Variants in MCTP1 observed in about 807,000 individuals in gnomAD.
MCTP1 encodes the protein multiple C2 and transmembrane domain-containing protein 1.
Under a neutral mutation model 120.6 loss-of-function variants are expected in MCTP1, and 69 were observed. That is an observed-to-expected ratio of 0.57 (90% CI 0.47 to 0.70). MCTP1 has a LOEUF of 0.70. Ranked by LOEUF, MCTP1 falls within the 30% of genes least tolerant of loss-of-function variation. The pLI, the probability that MCTP1 is intolerant of heterozygous loss-of-function variation, is 0.00. For synonymous variants in MCTP1, 529 were observed against 493.1 expected (o/e 1.07, Z -0.96); for missense variants, 1,203 against 1,248.8 (o/e 0.96, Z 0.55).
intron 1 of MCTP1, among the ~76,000 whole-genome samples, chr5:95,041,951 T>A (rs957651806): frequency 1.3e-5 from 2 of 152,202 alleles, no homozygotes; most frequent in African/African-American, 4.8e-5. Flanking sequence ...CGTTTCTCAG[T>A]GTGAGTTGAA....
At chr5:95,203,801 C>T (rs1050010318) in intron 1 of MCTP1, among the ~76,000 whole-genome samples, 2 of 152,188 alleles carry the variant, frequency 1.3e-5, no homozygotes, top group Non-Finnish European at 2.9e-5. Context: ...AAGCATTAAT[C>T]TTCAGCTTTC....
chr5:95,105,211 T>C (rs1449060662), intron 1 of MCTP1, among the ~76,000 whole-genome samples: 2 of 152,196 alleles, frequency 1.3e-5, no homozygotes, highest in Non-Finnish European at 2.9e-5. Context: ...AGAAAACTTA[T>C]ATTTGCAAGT....
intron 12 of MCTP1, among the ~76,000 whole-genome samples, chr5:94,876,829 T>C (rs1262333656): frequency 6.6e-6 from 1 of 152,042 alleles, no homozygotes; most frequent in Non-Finnish European, 1.5e-5. Flanking sequence ...ACGGCAATTT[T>C]CCATGTTGAC....
At chr5:95,191,784 T>C (rs530955536) in intron 1 of MCTP1, among the ~76,000 whole-genome samples, 1 of 152,158 alleles carries the variant, frequency 6.6e-6, no homozygotes, top group African/African-American at 2.4e-5. Flanking sequence ...TTATTGTACT[T>C]CAGTAACCAA....
chr5:95,169,537 T>C (rs916784891), intron 1 of MCTP1, among the ~76,000 whole-genome samples: 17 of 152,328 alleles, frequency 1.1e-4, no homozygotes, highest in African/African-American at 4.1e-4. Context: ...GGACTTTTTT[T>C]GGTTGGTAGG....
chr5:94,901,180 G>A (rs991079959), intron 10 of MCTP1, among the ~76,000 whole-genome samples: 8 of 152,182 alleles, frequency 5.3e-5, no homozygotes, highest in Non-Finnish European at 1.0e-4. Flanking sequence ...CATGGCAGAA[G>A]GCGAATGAGG....
intron 18 of MCTP1, among the ~76,000 whole-genome samples, chr5:94,795,948 A>G (rs1284486700): frequency 6.6e-6 from 1 of 152,176 alleles, no homozygotes. Flanking sequence ...CATGGTGGGG[A>G]AAAAGGTATA....
At chr5:95,030,000 G>A (rs1366492467) in intron 1 of MCTP1, among the ~76,000 whole-genome samples, 1 of 152,196 alleles carries the variant, frequency 6.6e-6, no homozygotes, top group African/African-American at 2.4e-5. Context: ...GTTCTAGCAA[G>A]GGAGGACAGA....
At chr5:94,933,376 A>G (rs1202095726) in intron 5 of MCTP1, among the ~76,000 whole-genome samples, 1 of 151,796 alleles carries the variant, frequency 6.6e-6, no homozygotes, top group African/African-American at 2.4e-5. Context: ...ATGATTTATT[A>G]TCATCAGTAT....
chr5:95,183,683 C>T (rs1038047770), intron 1 of MCTP1, among the ~76,000 whole-genome samples: 1 of 151,736 alleles, frequency 6.6e-6, no homozygotes, highest in African/African-American at 2.4e-5. Context: ...AAAGATTGAG[C>T]CGACATTCGC....
chr5:94,953,624 C>T (rs1423944428), intron 2 of MCTP1, among the ~76,000 whole-genome samples: 1 of 150,586 alleles, frequency 6.6e-6, no homozygotes, highest in Non-Finnish European at 1.5e-5. Context: ...CCAGCAATCC[C>T]GCTAGTGGAC....
intron 3 of MCTP1, among the ~76,000 whole-genome samples, chr5:94,951,799 G>T (rs10452513): frequency 6.6e-6 from 1 of 151,932 alleles, no homozygotes; most frequent in Admixed American, 6.5e-5. Context: ...TCCCTTTCGT[G>T]GGAGAAGGGT....
At chr5:95,071,407 A>C (rs944298995) in intron 1 of MCTP1, among the ~76,000 whole-genome samples, 6 of 152,224 alleles carry the variant, frequency 3.9e-5, no homozygotes, top group African/African-American at 4.8e-5. Flanking sequence ...GCGGGGAAAC[A>C]AAAAGTAACT....
intron 17 of MCTP1, among the ~76,000 whole-genome samples, chr5:94,833,810 C>A (rs1288959518): frequency 5.3e-5 from 8 of 152,036 alleles, no homozygotes; most frequent in Admixed American, 5.2e-4. Context: ...TGGGTGATGA[C>A]AACTATGATC....
chr5:95,211,853 G>C (rs1313643147), intron 1 of MCTP1, among the ~76,000 whole-genome samples: 1 of 152,058 alleles, frequency 6.6e-6, no homozygotes, highest in Non-Finnish European at 1.5e-5. Context: ...ATGGATTTTT[G>C]GTGTGGATGT....
At position 94,875,074 on chromosome 5, in the gene MCTP1, G is replaced by A. The variant is rs73136011; in HGVS notation, c.1934-1833C>T. 1.0e-3 allele frequency among the ~76,000 whole-genome samples: 154 copies of A among 152,192 alleles called. 1 individual carries two copies. Among genetic ancestry groups the A allele is most frequent in the African/African-American group, 3.5e-3 (145 of 41,538 alleles). ...ATTTTTTAAAAATCCCTGACTTCAT[G>A]GAGTTTACATTGAAGAAGAAGACAG... On this transcript the variant is annotated intron_variant, in intron 12 of 22. Coordinates refer to ENST00000515393, the MANE Select transcript of MCTP1 (RefSeq NM_024717.7).
chr5:94,923,415 C>A (rs546457653), intron 7 of MCTP1, among the ~76,000 whole-genome samples: 1 of 152,242 alleles, frequency 6.6e-6, no homozygotes, highest in South Asian at 2.1e-4. Flanking sequence ...AGTTAAATTG[C>A]AATGACATTT....
rs549038519 is a variant in MCTP1, at chr5:94,794,405, G to C, written c.2556+4608C>G. On this transcript the variant is annotated intron_variant, in intron 18 of 22. Coordinates refer to ENST00000515393, the MANE Select transcript of MCTP1 (RefSeq NM_024717.7). ...GAAATTAACAGGGGCACCTGGGATA[G>C]AACAGATGACCAGCACCAATTCATG... Among the ~76,000 whole-genome samples the C allele has an allele frequency of 2.6e-5, 4 of 152,362 alleles. No individual in the cohort carries two copies. The South Asian group carries it at 8.3e-4, about 32-fold the overall frequency.
At chr5:95,038,517 C>T (rs939582356) in intron 1 of MCTP1, among the ~76,000 whole-genome samples, 2 of 152,152 alleles carry the variant, frequency 1.3e-5, no homozygotes, top group African/African-American at 4.8e-5. Context: ...TCCCCATCCT[C>T]AAGTGTGGGC....
Sources: gnomAD v4.1 joint callset for allele counts (sites outside exome capture counted in the v4.1 genomes callset) on GRCh38, gnomAD v4.1.1 for gene constraint, MANE v1.5 for transcripts, NCBI Gene and HGNC (gene_info 2026-07-23, HGNC 2026-07-21) for gene names.